Variants in RCOR1 observed in about 807,000 individuals in gnomAD.
The protein encoded by RCOR1 is REST corepressor.
A neutral mutation model predicts 64.0 loss-of-function variants in RCOR1; 12 were observed. The observed-to-expected ratio is 0.19, with a 90% CI of 0.12 to 0.30. The LOEUF (loss-of-function observed/expected upper bound fraction) is 0.30, where lower values mean the gene tolerates loss of function less well. Ranked by LOEUF, RCOR1 falls within the 10% of genes least tolerant of loss-of-function variation. The pLI is 1.00. For synonymous variants in RCOR1, 279 were observed against 227.2 expected (o/e 1.23, Z -2.05); for missense variants, 502 against 621.2 (o/e 0.81, Z 2.04).
At chr14:102,613,241 A>G (rs1405658241) in intron 2 of RCOR1, among the ~76,000 whole-genome samples, 1 of 151,668 alleles carries the variant, frequency 6.6e-6, no homozygotes, top group African/African-American at 2.4e-5. Flanking sequence ...AGCTGGGACT[A>G]CAGGCGTGCG....
intron 6 of RCOR1, among the ~76,000 whole-genome samples, chr14:102,709,005 A>G (rs776775212): frequency 6.6e-6 from 1 of 152,182 alleles, no homozygotes; most frequent in Admixed American, 6.5e-5. Context: ...GTGAATGAGA[A>G]AGAGAAACAT....
intron 2 of RCOR1, among the ~76,000 whole-genome samples, chr14:102,648,591 C>G (rs530250261): frequency 1.1e-4 from 17 of 152,280 alleles, no homozygotes; most frequent in Non-Finnish European, 2.2e-4. Flanking sequence ...GTGGGCAGAA[C>G]AAGTAGATCT....
At chr14:102,662,305 C>T (rs2139941014) in intron 2 of RCOR1, 1 of 554,610 alleles carries the variant, frequency 1.8e-6, no homozygotes, top group Non-Finnish European at 3.5e-6. Flanking sequence ...TGAACGTATG[C>T]CTCCTTCTCT....
At chr14:102,679,498 A>G (rs995172964) in intron 2 of RCOR1, among the ~76,000 whole-genome samples, 9 of 137,374 alleles carry the variant, frequency 6.6e-5, no homozygotes, top group Non-Finnish European at 7.7e-5. Flanking sequence ...TTTTTTTTTG[A>G]GACAGAATCT....
intron 2 of RCOR1, among the ~76,000 whole-genome samples, chr14:102,653,867 G>A (rs181811796): frequency 8.7e-4 from 131 of 151,290 alleles, no homozygotes; most frequent in African/African-American, 3.2e-3. Context: ...AGAACCTTGA[G>A]CCATTGAAAC....
At chr14:102,646,793 A>G (rs943450470) in intron 2 of RCOR1, among the ~76,000 whole-genome samples, 6 of 152,378 alleles carry the variant, frequency 3.9e-5, no homozygotes, top group East Asian at 3.9e-4. Context: ...AGGAACTGTC[A>G]TGATATTTGC....
intron 2 of RCOR1, among the ~76,000 whole-genome samples, chr14:102,637,785 T>A (rs193029365): frequency 1.5e-4 from 23 of 152,340 alleles, no homozygotes; most frequent in African/African-American, 5.3e-4. Context: ...TTTAGTTTTT[T>A]CGGTGATGTC....
chr14:102,680,393 T>G (rs1895279684), intron 2 of RCOR1, among the ~76,000 whole-genome samples: 1 of 152,216 alleles, frequency 6.6e-6, no homozygotes, highest in Non-Finnish European at 1.5e-5. Flanking sequence ...ACAGCAGGAC[T>G]TATTTGTCTT....
rs1479899817 is a variant in RCOR1 at position 102,592,674 on chromosome 14, T to G, written c.-213T>G. ...GGTGCCAGTGAAGTGAGGGCGGCGA[T>G]GAGAGCGAAAGTTGCGCTCGGCTCG... On this transcript the variant is annotated 5_prime_UTR_variant, in exon 1 of 12. An upstream start codon of the reference 5' UTR is lost. Transcript: ENST00000262241. The G allele has an allele frequency of 3.3e-6, 4 of 1,225,868 alleles. No homozygotes were observed. The South Asian group carries it at 1.6e-4, about 51-fold the overall frequency. 75.9% of individuals were successfully genotyped at this position (1,225,868 alleles called of 1,614,324 possible).
chr14:102,599,452 A>ATTT (rs1190723466), intron 2 of RCOR1, among the ~76,000 whole-genome samples: 1 of 151,670 alleles, frequency 6.6e-6, no homozygotes, highest in Non-Finnish European at 1.5e-5. Context: ...CTATTTTTTA[A>ATTT]TTTTTTTTAT....
intron 4 of RCOR1, 85 bp downstream of exon 4, chr14:102,701,415 G>A: frequency 9.5e-7 from 1 of 1,056,258 alleles, no homozygotes; most frequent in Non-Finnish European, 1.3e-6. Context: ...TTTGTATTGA[G>A]TAGCAGTGTT....
At chr14:102,701,175 C>A in intron 3 of RCOR1, 103 bp from the exon 4 acceptor site, 2 of 971,738 alleles carry the variant, frequency 2.1e-6, no homozygotes, top group Non-Finnish European at 1.7e-6. Context: ...CACAGCCAAA[C>A]CATATCAGCA....
intron 2 of RCOR1, among the ~76,000 whole-genome samples, chr14:102,616,720 C>G (rs1014386151): frequency 6.6e-6 from 1 of 152,154 alleles, no homozygotes; most frequent in Non-Finnish European, 1.5e-5. Context: ...CTTCTCTTTA[C>G]TCCTGCAATC....
At chr14:102,642,526 A>G (rs1051515720) in intron 2 of RCOR1, among the ~76,000 whole-genome samples, 4 of 152,206 alleles carry the variant, frequency 2.6e-5, no homozygotes, top group South Asian at 2.1e-4. Flanking sequence ...TAATACTAAT[A>G]GTTAAACTTG....
At chr14:102,597,327 G>A (rs1241906005) in intron 2 of RCOR1, among the ~76,000 whole-genome samples, 1 of 151,566 alleles carries the variant, frequency 6.6e-6, no homozygotes, top group South Asian at 2.1e-4. Context: ...GGAGGAATTT[G>A]ACTTTGATTT....
chr14:102,614,427 C>G (rs1351828556), intron 2 of RCOR1, among the ~76,000 whole-genome samples: 1 of 150,220 alleles, frequency 6.7e-6, no homozygotes, highest in Non-Finnish European at 1.5e-5. Context: ...GGTTTCACCA[C>G]GTTAGCCAGC....
At chr14:102,687,899 G>A (rs564744493) in intron 3 of RCOR1, among the ~76,000 whole-genome samples, 1 of 152,024 alleles carries the variant, frequency 6.6e-6, no homozygotes, top group Non-Finnish European at 1.5e-5. Flanking sequence ...GGAAGAATGA[G>A]TAGGAGTTTG....
At chr14:102,721,543 C>G (rs1186813470) in intron 10 of RCOR1, 166 bp downstream of exon 10, 1 of 424,324 alleles carries the variant, frequency 2.4e-6, no homozygotes. Context: ...AGAGGGAGAC[C>G]CTGACTTTAA....
intron 11 of RCOR1, among the ~76,000 whole-genome samples, chr14:102,724,463 C>T (rs1896224190): frequency 6.6e-6 from 1 of 152,018 alleles, no homozygotes; most frequent in Non-Finnish European, 1.5e-5. Flanking sequence ...TCCCTAGTAG[C>T]TGGGATTATG....
Sources: gnomAD v4.1 joint callset for allele counts (sites outside exome capture counted in the v4.1 genomes callset) on GRCh38, gnomAD v4.1.1 for gene constraint, MANE v1.5 for transcripts, NCBI Gene and HGNC (gene_info 2026-07-23, HGNC 2026-07-21) for gene names.